Variants in ATP6V0B observed in about 807,000 individuals in gnomAD.
ATP6V0B encodes the protein V-type proton ATPase 21 kDa proteolipid subunit c''.
Under a neutral mutation model 26.2 loss-of-function variants are expected in ATP6V0B, and 4 were observed. The observed-to-expected ratio is 0.15, with a 90% CI of 0.08 to 0.35. ATP6V0B has a LOEUF of 0.35. ATP6V0B is among the 10% of genes least tolerant of loss of function. The pLI is 1.00. For missense variants in ATP6V0B, 175 were observed against 272.5 expected (o/e 0.64, Z 2.52); for synonymous variants, 110 against 105.8 (o/e 1.04, Z -0.24).
intron 6 of ATP6V0B, 22 bp from the exon 7 acceptor site, chr1:43,977,004 G>A (rs374412777): frequency 5.6e-6 from 9 of 1,600,762 alleles, no homozygotes; most frequent in Admixed American, 1.7e-5. Flanking sequence ...TAGCCTCACT[G>A]CACCCCTCTC....
chr1:43,975,873 C>T, intron 2 of ATP6V0B, 25 bp downstream of exon 2: 1 of 1,572,210 alleles, frequency 6.4e-7, no homozygotes, highest in Non-Finnish European at 8.6e-7. Flanking sequence ...GGGGAGGATT[C>T]CCCTTGAAGC....
chr1:43,976,305 C>T lies in ATP6V0B; in HGVS notation c.204C>T (p.Gly68=). The T allele has an allele frequency of 3.7e-6, 6 of 1,613,728 alleles. No homozygotes were observed. Among genetic ancestry groups the T allele is most frequent in the Non-Finnish European group, 5.1e-6 (6 of 1,179,768 alleles). Residue 68 remains glycine, a synonymous_variant, in exon 4 of 8, where the codon GGC becomes GGT. Coordinates refer to ENST00000472174, the MANE Select transcript of ATP6V0B (RefSeq NM_004047.5). This position sits in a 1 kb window ranked among gnomAD's most constrained non-coding sequence, Gnocchi z 4.6. ...ISLSVVGAAW[G]IYITGSSIIG... Reference sequence around the variant, plus strand: ...CAGTTTTTTATCCTTCCACCAGGGGCATCTATATTACCGGCTCCTCCATCA... The same window carrying T: ...CAGTTTTTTATCCTTCCACCAGGGGTATCTATATTACCGGCTCCTCCATCA...
At position 43,976,024 on chromosome 1, in the gene ATP6V0B, G is replaced by T; in HGVS notation, c.117-66G>T. 1 of 1,566,486 alleles carries T rather than the reference G, an allele frequency of 6.4e-7. No individual in the cohort carries two copies. Among genetic ancestry groups the T allele is most frequent in the Non-Finnish European group, 8.8e-7 (1 of 1,137,230 alleles). The stretch of plus-strand genomic sequence containing the variant: ...TGGTGGGGTTGAAGGGGGTTTGAGG[G>T]GTTAAGATTTTGTGCTCCGCTTCCC... On this transcript the variant is annotated intron_variant, in intron 2 of 7. Coordinates refer to ENST00000472174, the MANE Select transcript of ATP6V0B (RefSeq NM_004047.5). This position sits in a 1 kb window ranked among gnomAD's most constrained non-coding sequence, Gnocchi z 4.6.
At chr1:43,975,508 C>T (rs1392158880) in intron 1 of ATP6V0B, 3 of 564,094 alleles carry the variant, frequency 5.3e-6, no homozygotes, top group South Asian at 2.1e-5. Flanking sequence ...CGGACTGGGC[C>T]GGCGGGATCT....
At chr1:43,977,418 C>T in intron 7 of ATP6V0B, 6 of 1,478,828 alleles carry the variant, frequency 4.1e-6, no homozygotes, top group Non-Finnish European at 5.4e-6. Context: ...CTGACAACAG[C>T]CCTGTTCTTT....
In ATP6V0B at chr1:43,976,950, A is replaced by C; in HGVS notation, c.401-76A>C. On this transcript the variant is annotated intron_variant, in intron 6 of 7. Transcript: ENST00000472174. The surrounding 1 kb of genome is among the most constrained non-coding windows in gnomAD (Gnocchi z 4.6). ...ACTTTTTCTGCTTTGCAGAGTGGGG[A>C]TGGTGATTGGCCCCATTAGCCCATA... The C allele has an allele frequency of 2.5e-6, 4 of 1,600,764 alleles. No individual in the cohort carries two copies. Among genetic ancestry groups the C allele is most frequent in the Non-Finnish European group, 3.4e-6 (4 of 1,169,088 alleles).
chr1:43,978,146 T>C lies in ATP6V0B; in HGVS notation c.*139T>C, dbSNP rs1215473105. On this transcript the variant is annotated 3_prime_UTR_variant, in exon 8 of 8. Coordinates refer to ENST00000472174, the MANE Select transcript of ATP6V0B (RefSeq NM_004047.5). ...CACTCCCCTCTTGCTGCGTGTTGAT[T>C]TGGAGGCACTGCAGTCCAGGCCGAG... is the stretch of plus-strand genomic sequence containing the variant. 7.8e-7 allele frequency: 1 copy of C among 1,276,862 alleles called. No individual in the cohort carries two copies. Among genetic ancestry groups the C allele is most frequent in the African/African-American group, 1.5e-5 (1 of 67,890 alleles). 79.1% of individuals were successfully genotyped at this position (1,276,862 alleles called of 1,614,324 possible).
intron 7 of ATP6V0B, 24 bp from the exon 8 acceptor site, chr1:43,977,957 A>G: frequency 6.2e-7 from 1 of 1,613,762 alleles, no homozygotes; most frequent in Non-Finnish European, 8.5e-7. Flanking sequence ...TCCCTGCCTG[A>G]TTTCTCCTGT....
intron 7 of ATP6V0B, chr1:43,977,725 CTGTGGGT>C: frequency 6.9e-7 from 1 of 1,439,580 alleles, no homozygotes; most frequent in African/African-American, 1.4e-5. Context: ...CTGAGTGTGA[CTGTGGGT>C]GCTTGACTGA....
In ATP6V0B at chr1:43,977,008, C is replaced by T; in HGVS notation, c.401-18C>T. The T allele has an allele frequency of 6.2e-7, 1 of 1,600,732 alleles. No individual in the cohort carries two copies. Among genetic ancestry groups the T allele is most frequent in the Non-Finnish European group, 8.5e-7 (1 of 1,171,116 alleles). ...CATTCCTGGCTTAGCCTCACTGCAC[C>T]CCTCTCTATCCTCCCAGGCTACTCC... On this transcript the variant is annotated intron_variant, in intron 6 of 7. Transcript: ENST00000472174.
intron 7 of ATP6V0B, chr1:43,977,733 G>A: frequency 6.9e-7 from 1 of 1,442,358 alleles, no homozygotes; most frequent in Non-Finnish European, 9.1e-7. Context: ...GACTGTGGGT[G>A]CTTGACTGAG....
At position 43,977,126 on chromosome 1, in the gene ATP6V0B, T is replaced by C; in HGVS notation, c.501T>C (p.Ala167=). 6.2e-7 allele frequency: 1 copy of C among 1,614,248 alleles called. No individual in the cohort carries two copies. Among genetic ancestry groups the C allele is most frequent in the Non-Finnish European group, 8.5e-7 (1 of 1,180,048 alleles). ...GCAGTGGGGCTGCCCTGGCCGATGC[T>C]CAGAACCCCAGCCTCTTTGTAAAGA... ...IVGSGAALAD[A]QNPSLFVKIL... The change falls in exon 7 of 8, where the codon GCT becomes GCC. Residue 167 remains alanine, a synonymous_variant. Transcript: ENST00000472174.
chr1:43,976,971 C>T lies in ATP6V0B; in HGVS notation c.401-55C>T, dbSNP rs2085527192. 1 of 1,600,604 alleles carries T rather than the reference C, an allele frequency of 6.2e-7. No homozygotes were observed. Among genetic ancestry groups the T allele is most frequent in the Admixed American group, 1.7e-5 (1 of 59,540 alleles). On this transcript the variant is annotated intron_variant, in intron 6 of 7. Coordinates refer to ENST00000472174, the MANE Select transcript of ATP6V0B (RefSeq NM_004047.5). The surrounding 1 kb of genome is among the most constrained non-coding windows in gnomAD (Gnocchi z 4.6). ...GGGGATGGTGATTGGCCCCATTAGC[C>T]CATATCTCCCCCATTCCTGGCTTAG...
In ATP6V0B at chr1:43,976,389, A is replaced by G; in HGVS notation, c.278+10A>G. Reference sequence around the variant, plus strand: ...CCAAGAACCTGGTCAGGTAAGTGTCAGGGTCCTTGGACTTTTGTCAGAACC... The same window carrying G: ...CCAAGAACCTGGTCAGGTAAGTGTCGGGGTCCTTGGACTTTTGTCAGAACC... On this transcript the variant is annotated intron_variant, in intron 4 of 7. Transcript: ENST00000472174. This position sits in a 1 kb window ranked among gnomAD's most constrained non-coding sequence, Gnocchi z 4.6. 6.2e-7 allele frequency: 1 copy of G among 1,607,726 alleles called. No individual in the cohort carries two copies. Among genetic ancestry groups the G allele is most frequent in the Non-Finnish European group, 8.5e-7 (1 of 1,176,704 alleles).
intron 7 of ATP6V0B, chr1:43,977,577 A>G: frequency 1.4e-6 from 2 of 1,423,208 alleles, no homozygotes; most frequent in Non-Finnish European, 1.8e-6. Flanking sequence ...TCAGTCTGTC[A>G]TGGTGTGTTT....
Position 43,976,369 on chromosome 1 carries a change from A to T in ATP6V0B, c.268A>T (p.Asn90Tyr). ...GAAGGCCCCCAGGATCAAGACCAAG[A>T]ACCTGGTCAGGTAAGTGTCAGGGTC... is the stretch of plus-strand genomic sequence containing the variant. ...GVKAPRIKTK[N>Y]LVSIIFCEAV... Residue 90 changes from asparagine to tyrosine, a missense_variant, in exon 4 of 8, where the codon AAC becomes TAC. By Grantham distance (143) the Asn-to-Tyr change is moderately radical. Coordinates refer to ENST00000472174, the MANE Select transcript of ATP6V0B (RefSeq NM_004047.5). The surrounding 1 kb of genome is among the most constrained non-coding windows in gnomAD (Gnocchi z 4.6). The T allele has an allele frequency of 6.2e-7, 1 of 1,613,010 alleles. No homozygotes were observed. The highest frequency in any genetic ancestry group is 8.5e-7 in the Non-Finnish European group (1 of 1,179,544).
At position 43,976,355 on chromosome 1, in the gene ATP6V0B, G is replaced by A. The variant is rs765350813; in HGVS notation, c.254G>A (p.Arg85Lys). Residue 85 changes from arginine to lysine, a missense_variant, in exon 4 of 8, where the codon AGG becomes AAG. Around this residue, in one of 3 missense-constraint regions of ATP6V0B, gnomAD observed 3 missense variants for 19.8 expected, o/e 0.15. Coordinates refer to ENST00000472174, the MANE Select transcript of ATP6V0B (RefSeq NM_004047.5). The surrounding 1 kb of genome is among the most constrained non-coding windows in gnomAD (Gnocchi z 4.6). ...ATTGGTGGAGGAGTGAAGGCCCCCA[G>A]GATCAAGACCAAGAACCTGGTCAGG... ...SIIGGGVKAP[R>K]IKTKNLVSII... 6.2e-7 allele frequency: 1 copy of A among 1,613,470 alleles called. No homozygotes were observed. The highest frequency in any genetic ancestry group is 8.5e-7 in the Non-Finnish European group (1 of 1,179,746).
intron 7 of ATP6V0B, chr1:43,977,656 G>A (rs1266266595): frequency 7.0e-7 from 1 of 1,421,800 alleles, no homozygotes; most frequent in Non-Finnish European, 9.1e-7. Flanking sequence ...TGTCTAAATT[G>A]TGTGTGTCTA....
At chr1:43,977,385 T>C (rs2085533014) in intron 7 of ATP6V0B, 169 bp downstream of exon 7, 4 of 1,519,896 alleles carry the variant, frequency 2.6e-6, no homozygotes, top group Non-Finnish European at 3.5e-6. Context: ...GGGCTCTCTA[T>C]TTTTGTCTCT....
Sources: allele counts gnomAD v4.1 joint callset, GRCh38; gene constraint gnomAD v4.1.1; regional missense constraint gnomAD v4.1.1; non-coding constraint Gnocchi (gnomAD v3.1); transcripts MANE v1.5; gene names NCBI Gene and HGNC (gene_info 2026-07-23, HGNC 2026-07-21).